The following GRID2 variants were observed in gnomAD, a reference collection of about 807,000 sequenced individuals.
GRID2 encodes glutamate receptor ionotropic, delta-2.
A neutral mutation model predicts 114.8 loss-of-function variants in GRID2; 33 were observed. The ratio of observed to expected loss-of-function variants is 0.29; its 90% CI spans 0.22 to 0.38. The LOEUF is 0.38. GRID2 is among the 10% of genes least tolerant of loss of function. The probability of loss-of-function intolerance (pLI) is 1.00; values close to 1 mark genes in which losing one functional copy is unlikely to be tolerated. For missense variants in GRID2, 1,184 were observed against 1,257.7 expected (o/e 0.94, Z 0.89); for synonymous variants, 505 against 449.9 (o/e 1.12, Z -1.55).
intron 14 of GRID2, among the ~76,000 whole-genome samples, chr4:93,747,308 C>G (rs1252023217): frequency 6.6e-6 from 1 of 152,048 alleles, no homozygotes; most frequent in East Asian, 1.9e-4. Flanking sequence ...TCTGCTGATC[C>G]CTAAAATTTT....
chr4:93,290,417 G>C (rs1382926717), intron 8 of GRID2, among the ~76,000 whole-genome samples: 1 of 152,168 alleles, frequency 6.6e-6, no homozygotes, highest in Non-Finnish European at 1.5e-5. Flanking sequence ...ATGATATCTA[G>C]AGGTCACTAA....
intron 5 of GRID2, among the ~76,000 whole-genome samples, chr4:93,212,655 G>C (rs943263175): frequency 1.3e-5 from 2 of 152,032 alleles, no homozygotes; most frequent in Middle Eastern, 3.4e-3. Flanking sequence ...TATGACCTTT[G>C]TTGTCTTGAT....
chr4:93,306,219 G>A (rs2149177228), intron 8 of GRID2: 1 of 152,326 alleles, frequency 6.6e-6, no homozygotes, highest in Non-Finnish European at 1.5e-5. Flanking sequence ...CCAAAAGAAT[G>A]CTGACTTCTA....
chr4:92,813,343 A>G (rs1740740261), intron 2 of GRID2, among the ~76,000 whole-genome samples: 1 of 152,056 alleles, frequency 6.6e-6, no homozygotes, highest in Non-Finnish European at 1.5e-5. Flanking sequence ...CAAACAACCA[A>G]CTTATATCCT....
At chr4:92,467,850 C>G (rs1721832443) in intron 1 of GRID2, among the ~76,000 whole-genome samples, 1 of 151,756 alleles carries the variant, frequency 6.6e-6, no homozygotes, top group Admixed American at 6.6e-5. Flanking sequence ...AAAATTGACC[C>G]CAAAAACTTA....
intron 2 of GRID2, among the ~76,000 whole-genome samples, chr4:93,009,900 T>C (rs1465543273): frequency 6.6e-6 from 1 of 152,094 alleles, no homozygotes; most frequent in Non-Finnish European, 1.5e-5. Context: ...CTAAGATAGA[T>C]CTTCTCAAGT....
chr4:92,801,977 A>G (rs111846275), intron 2 of GRID2, among the ~76,000 whole-genome samples: 5 of 152,052 alleles, frequency 3.3e-5, no homozygotes, highest in African/African-American at 7.2e-5. Context: ...ATACAATGAA[A>G]TACCACATTG....
At chr4:93,154,739 AAAAAAC>A (rs1290983237) in intron 4 of GRID2, among the ~76,000 whole-genome samples, 17 of 151,746 alleles carry the variant, frequency 1.1e-4, no homozygotes, top group African/African-American at 3.6e-4. Flanking sequence ...ATTCGTGGCA[AAAAAAC>A]AAAAACAAAA....
At chr4:92,362,655 A>C (rs1025624937) in intron 1 of GRID2, among the ~76,000 whole-genome samples, 2 of 152,032 alleles carry the variant, frequency 1.3e-5, no homozygotes, top group Non-Finnish European at 2.9e-5. Flanking sequence ...AAACAAACCT[A>C]TTTCAAACTA....
intron 4 of GRID2, among the ~76,000 whole-genome samples, chr4:93,169,098 A>T (rs756438086): frequency 2.0e-5 from 3 of 151,430 alleles, no homozygotes; most frequent in Non-Finnish European, 2.9e-5. Flanking sequence ...TCCTTCCCTG[A>T]AAGTTATATT....
At chr4:92,704,221 T>G (rs1161074535) in intron 2 of GRID2, among the ~76,000 whole-genome samples, 1 of 152,102 alleles carries the variant, frequency 6.6e-6, no homozygotes, top group African/African-American at 2.4e-5. Flanking sequence ...GAGCTTGCAG[T>G]GAGCCGAGAT....
At chr4:93,796,016 T>G (rs903831819) in intron 1 of GRID2, among the ~76,000 whole-genome samples, 2 of 152,152 alleles carry the variant, frequency 1.3e-5, no homozygotes, top group Admixed American at 6.5e-5. Context: ...AGAATTCAGT[T>G]CCTTGCACTG....
intron 4 of GRID2, among the ~76,000 whole-genome samples, chr4:93,174,258 T>TCA (rs1308637342): frequency 6.6e-6 from 1 of 152,170 alleles, no homozygotes; most frequent in African/African-American, 2.4e-5. Flanking sequence ...TATTATGATC[T>TCA]CAGATACCTC....
At chr4:93,074,191 A>T (rs1001027160) in intron 2 of GRID2, among the ~76,000 whole-genome samples, 1 of 152,352 alleles carries the variant, frequency 6.6e-6, no homozygotes, top group South Asian at 2.1e-4. Context: ...ACACATATCC[A>T]TATCAATTCC....
intron 2 of GRID2, among the ~76,000 whole-genome samples, chr4:93,045,423 T>C (rs563920090): frequency 3.0e-4 from 45 of 152,254 alleles, no homozygotes; most frequent in East Asian, 1.2e-3. Context: ...TATGTATCTA[T>C]GTATGTATTA....
At chr4:92,859,678 T>C (rs1744401094) in intron 2 of GRID2, among the ~76,000 whole-genome samples, 1 of 152,132 alleles carries the variant, frequency 6.6e-6, no homozygotes, top group Admixed American at 6.6e-5. Flanking sequence ...AATGACACCT[T>C]GATTGAGGAG....
chr4:92,459,237 AAATC>A (rs1266190108), intron 1 of GRID2, among the ~76,000 whole-genome samples: 1 of 152,222 alleles, frequency 6.6e-6, no homozygotes, highest in African/African-American at 2.4e-5. Context: ...TGTTTTAAAT[AAATC>A]AATATTCAAA....
intron 2 of GRID2, among the ~76,000 whole-genome samples, chr4:92,953,722 A>G (rs528868678): frequency 5.3e-5 from 8 of 152,228 alleles, no homozygotes; most frequent in African/African-American, 1.9e-4. Context: ...GAGAGTCCCA[A>G]CAAGCTGAAG....
chr4:93,395,584 A>T, intron 8 of GRID2, 23 bp from the exon 9 acceptor site: 1 of 1,110,824 alleles, frequency 9.0e-7, no homozygotes, highest in Non-Finnish European at 1.4e-6. Context: ...CAGAAAAATG[A>T]CCAAAGTTGT....
Sources: allele counts gnomAD v4.1 joint callset (sites outside exome capture counted in the v4.1 genomes callset), GRCh38; gene constraint gnomAD v4.1.1; transcripts MANE v1.5; gene names NCBI Gene and HGNC (gene_info 2026-07-23, HGNC 2026-07-21).